COG6: variants seen among roughly 807,000 people sequenced by gnomAD.
COG6 encodes the protein conserved oligomeric Golgi complex subunit 6.
Under a neutral mutation model 88.8 loss-of-function variants are expected in COG6, and 74 were observed. The ratio of observed to expected loss-of-function variants is 0.83; its 90% confidence interval spans 0.69 to 1.01. The LOEUF (loss-of-function observed/expected upper bound fraction) is 1.01, where lower values mean the gene tolerates loss of function less well. COG6 is among the 50% of genes least tolerant of loss of function. COG6 has a pLI of 0.00. For missense variants in COG6, 800 were observed against 797.9 expected (o/e 1.00, Z -0.03); for synonymous variants, 286 against 278.7 (o/e 1.03, Z -0.26).
intron 18 of COG6, among the ~76,000 whole-genome samples, chr13:39,772,631 C>A (rs149295774): frequency 1.7e-3 from 252 of 152,358 alleles, no homozygotes; most frequent in Non-Finnish European, 1.5e-3. Context: ...AGTCACATCA[C>A]GTATCATCTG....
chr13:39,772,022 C>T (rs1328690491), intron 18 of COG6, among the ~76,000 whole-genome samples: 1 of 152,240 alleles, frequency 6.6e-6, no homozygotes, highest in East Asian at 1.9e-4. Context: ...ACAAAGGCCT[C>T]AGCCTCCTTT....
intron 18 of COG6, among the ~76,000 whole-genome samples, chr13:39,781,661 A>G (rs1422620919): frequency 2.0e-5 from 3 of 151,626 alleles, no homozygotes; most frequent in Non-Finnish European, 4.4e-5. Context: ...CAATTCCCCC[A>G]TTTCCTCTGT....
chr13:39,770,868 G>T (rs553136359), intron 18 of COG6, among the ~76,000 whole-genome samples: 1 of 152,282 alleles, frequency 6.6e-6, no homozygotes, highest in Non-Finnish European at 1.5e-5. Context: ...TGTAGTTACC[G>T]CACTCTTTAT....
chr13:39,787,244 G>T (rs1238549295), intron 18 of COG6, among the ~76,000 whole-genome samples: 1 of 152,174 alleles, frequency 6.6e-6, no homozygotes, highest in Non-Finnish European at 1.5e-5. Context: ...TTTAGTTTCA[G>T]CAAAGTGTTC....
At chr13:39,779,352 G>C (rs568666124) in intron 18 of COG6, among the ~76,000 whole-genome samples, 1 of 152,314 alleles carries the variant, frequency 6.6e-6, no homozygotes, top group Admixed American at 6.5e-5. Context: ...CATCAGTCAC[G>C]TGTGTCTCTT....
intron 18 of COG6, among the ~76,000 whole-genome samples, chr13:39,740,981 C>G (rs1186225676): frequency 6.6e-6 from 1 of 152,020 alleles, no homozygotes; most frequent in Non-Finnish European, 1.5e-5. Context: ...TCTGGAAATG[C>G]TGGGTTTATG....
chr13:39,658,127 A>T (rs1874645929), intron 1 of COG6, among the ~76,000 whole-genome samples: 1 of 150,536 alleles, frequency 6.6e-6, no homozygotes, highest in Admixed American at 6.6e-5. Context: ...TTCTACTTTG[A>T]AGAATATTTT....
At position 39,727,482 on chromosome 13, in the gene COG6, G is replaced by A. The variant is rs191156299; in HGVS notation, c.1760G>A (p.Arg587His). ...TLKAAMVQFD[R>H]YLSAPDNLLI... is the part of the protein sequence containing the mutation. ...TGTTTCATTTAGGTTCAGTTTGATC[G>A]TTATCTGTCAGCCCCAGACAACCTA... The change falls in exon 18 of 19, where the codon CGT becomes CAT. Residue 587 changes from arginine to histidine, a missense_variant. By Grantham distance (29) the Arg-to-His change is conservative. Coordinates refer to ENST00000455146, the MANE Select transcript of COG6 (RefSeq NM_020751.3). 107 of 1,612,298 alleles carry A rather than the reference G, an allele frequency of 6.6e-5. No individual in the cohort carries two copies. Among genetic ancestry groups the A allele is most frequent in the African/African-American group, 5.3e-5 (4 of 74,944 alleles).
rs1880658114 is a variant in COG6, at chr13:39,751,941, A to G, written c.*848A>G. 3 of 1,221,962 alleles carry G rather than the reference A, an allele frequency of 2.5e-6. No homozygotes were observed. The highest frequency in any genetic ancestry group is 1.3e-5 in the South Asian group (1 of 79,650). 75.7% of individuals were successfully genotyped at this position (1,221,962 alleles called of 1,614,324 possible). On this transcript the variant is annotated 3_prime_UTR_variant, in exon 19 of 19. Transcript: ENST00000455146. ...CTAAATCCAACCAACTACACATTTT[A>G]TCTGGTGTTCAAACCAAAGAAACAA...
chr13:39,688,474 A>C (rs1876794473), intron 10 of COG6, among the ~76,000 whole-genome samples: 1 of 152,080 alleles, frequency 6.6e-6, no homozygotes, highest in Non-Finnish European at 1.5e-5. Context: ...TCACATGGTG[A>C]TTGAGGGAGC....
At chr13:39,761,854 T>C (rs1393602898) in intron 18 of COG6, among the ~76,000 whole-genome samples, 4 of 151,344 alleles carry the variant, frequency 2.6e-5, no homozygotes, top group Non-Finnish European at 5.9e-5. Context: ...TTGGCTATTA[T>C]CAAAAAGAGA....
chr13:39,732,273 T>C (rs534180106), intron 18 of COG6, among the ~76,000 whole-genome samples: 26 of 152,312 alleles, frequency 1.7e-4, no homozygotes, highest in African/African-American at 5.3e-4. Context: ...CTCTAAATTA[T>C]CAACTTGATC....
intron 18 of COG6, among the ~76,000 whole-genome samples, chr13:39,774,245 C>T (rs1466049803): frequency 6.6e-6 from 1 of 152,176 alleles, no homozygotes; most frequent in East Asian, 1.9e-4. Flanking sequence ...AGGTAATACA[C>T]ATTTTGAAGT....
chr13:39,768,074 G>A (rs1261393436), intron 18 of COG6, among the ~76,000 whole-genome samples: 1 of 151,994 alleles, frequency 6.6e-6, no homozygotes, highest in Non-Finnish European at 1.5e-5. Flanking sequence ...GATCTTACCT[G>A]CTCACATTCA....
chr13:39,749,695 A>C (rs1423738376), intron 18 of COG6, among the ~76,000 whole-genome samples: 1 of 152,208 alleles, frequency 6.6e-6, no homozygotes, highest in Non-Finnish European at 1.5e-5. Flanking sequence ...TGAAAGAGGC[A>C]CTCTAGGAAA....
intron 12 of COG6, among the ~76,000 whole-genome samples, chr13:39,695,894 CAAGGGCAGCTGAA>C (rs1877245353): frequency 6.6e-6 from 1 of 151,828 alleles, no homozygotes. Context: ...TTAGAAAACA[CAAGGGCAGCTGAA>C]AGCTAGACAT....
At position 39,687,787 on chromosome 13, in the gene COG6, G is replaced by GT. The variant is rs765310011; in HGVS notation, c.998dup (p.Thr334AsnfsTer6). The GT allele has an allele frequency of 6.2e-7, 1 of 1,612,698 alleles. No individual in the cohort carries two copies. ...ACACCTTGAAGCTCTCTTAAAGCATGTAACTACACAAGGTGGGTCCACCAA... is the reference window on the plus strand; with the variant it reads ...ACACCTTGAAGCTCTCTTAAAGCATGTTAACTACACAAGGTGGGTCCACCAA... On this transcript the variant is annotated frameshift_variant, in exon 10 of 19. Transcript: ENST00000455146. LOFTEE classifies it high-confidence loss of function.
At chr13:39,742,876 T>TA (rs1880127149) in intron 18 of COG6, among the ~76,000 whole-genome samples, 1 of 152,112 alleles carries the variant, frequency 6.6e-6, no homozygotes, top group South Asian at 2.1e-4. Context: ...TCAGCAAATA[T>TA]AAAAGAACAG....
At chr13:39,766,594 T>C (rs116727783) in intron 18 of COG6, among the ~76,000 whole-genome samples, 2,262 of 152,220 alleles carry the variant, frequency 0.015, 67 homozygotes, top group African/African-American at 0.051. Context: ...ACCAGAGCAG[T>C]GGAATATCTT....
Sources: gnomAD v4.1 joint callset for allele counts (sites outside exome capture counted in the v4.1 genomes callset) on GRCh38, gnomAD v4.1.1 for gene constraint, MANE v1.5 for transcripts, NCBI Gene and HGNC (gene_info 2026-07-23, HGNC 2026-07-21) for gene names.